The following PTPRD variants were observed in gnomAD, a reference collection of about 807,000 sequenced individuals.
PTPRD encodes protein tyrosine phosphatase receptor type D.
Under a neutral mutation model 214.5 loss-of-function variants are expected in PTPRD, and 34 were observed. The observed-to-expected ratio is 0.16, with a 90% confidence interval of 0.12 to 0.21. PTPRD has a LOEUF of 0.21. Ranked by LOEUF, PTPRD falls within the 10% of genes least tolerant of loss-of-function variation. The probability of loss-of-function intolerance (pLI) is 1.00; values close to 1 mark genes in which losing one functional copy is unlikely to be tolerated. For synonymous variants in PTPRD, 1,128 were observed against 845.7 expected (o/e 1.33, Z -5.79); for missense variants, 2,545 against 2,398.7 (o/e 1.06, Z -1.27).
intron 12 of PTPRD, among the ~76,000 whole-genome samples, chr9:8,650,292 G>A (rs1024470778): frequency 3.3e-5 from 5 of 152,032 alleles, no homozygotes; most frequent in African/African-American, 1.2e-4. Context: ...CACTTTGGGA[G>A]GCTGAGGTGG....
intron 12 of PTPRD, among the ~76,000 whole-genome samples, chr9:8,669,157 G>C (rs552974132): frequency 2.8e-4 from 42 of 152,288 alleles, no homozygotes; most frequent in Middle Eastern, 3.4e-3. Flanking sequence ...TAGGCAGACA[G>C]TGGCCTCTTA....
intron 5 of PTPRD, among the ~76,000 whole-genome samples, chr9:9,896,240 G>A (rs2074941158): frequency 6.6e-6 from 1 of 151,902 alleles, no homozygotes; most frequent in Admixed American, 6.6e-5. Context: ...ATGATATCAG[G>A]GTCTCTATTT....
At chr9:10,069,971 T>C (rs995156173) in intron 3 of PTPRD, among the ~76,000 whole-genome samples, 2 of 152,070 alleles carry the variant, frequency 1.3e-5, no homozygotes, top group East Asian at 1.9e-4. Flanking sequence ...ATATGTGCCA[T>C]GAACACACTG....
intron 7 of PTPRD, among the ~76,000 whole-genome samples, chr9:9,637,038 C>A (rs75879847): frequency 0.017 from 2,559 of 152,156 alleles, 71 homozygotes; most frequent in African/African-American, 0.059. Flanking sequence ...TAATGGAATT[C>A]ATTCATTCAC....
intron 3 of PTPRD, among the ~76,000 whole-genome samples, chr9:10,067,258 A>C (rs952196568): frequency 1.3e-5 from 2 of 151,864 alleles, no homozygotes; most frequent in African/African-American, 4.8e-5. Context: ...AGTTCGGCAA[A>C]TGTAGCTCTC....
chr9:9,274,678 T>C (rs1324896405), intron 9 of PTPRD, among the ~76,000 whole-genome samples: 2 of 151,200 alleles, frequency 1.3e-5, no homozygotes, highest in African/African-American at 4.8e-5. Flanking sequence ...CAGAGGTTGC[T>C]CTTGGTTTAT....
At chr9:9,304,896 G>C (rs146234589) in intron 9 of PTPRD, among the ~76,000 whole-genome samples, 1 of 149,236 alleles carries the variant, frequency 6.7e-6, no homozygotes, top group Non-Finnish European at 1.5e-5. Flanking sequence ...TGAAAGGATA[G>C]GGGAGAATTT....
chr9:10,124,630 G>C (rs992854070), intron 3 of PTPRD, among the ~76,000 whole-genome samples: 1 of 151,972 alleles, frequency 6.6e-6, no homozygotes, highest in Non-Finnish European at 1.5e-5. Flanking sequence ...GTAATTTTTT[G>C]TTTATTAGGG....
intron 42 of PTPRD, among the ~76,000 whole-genome samples, chr9:8,339,615 T>G (rs934428035): frequency 2.6e-5 from 4 of 152,160 alleles, no homozygotes; most frequent in African/African-American, 9.6e-5. Context: ...TCGTCTGATA[T>G]TCTTTTTGTT....
At chr9:8,409,410 T>TGGG (rs2093334833) in intron 35 of PTPRD, among the ~76,000 whole-genome samples, 1 of 152,148 alleles carries the variant, frequency 6.6e-6, no homozygotes, top group Non-Finnish European at 1.5e-5. Flanking sequence ...ACACTTGCCT[T>TGGG]TCAACTATTC....
At chr9:10,556,019 A>G (rs2062495864) in intron 2 of PTPRD, among the ~76,000 whole-genome samples, 2 of 152,186 alleles carry the variant, frequency 1.3e-5, no homozygotes, top group Admixed American at 1.3e-4. Flanking sequence ...CCTTCAGATT[A>G]CAACAAATTT....
intron 10 of PTPRD, among the ~76,000 whole-genome samples, chr9:9,070,271 T>G (rs1379686378): frequency 6.6e-6 from 1 of 152,190 alleles, no homozygotes; most frequent in African/African-American, 2.4e-5. Flanking sequence ...ATCAATGTGA[T>G]TTTCACAAAG....
At chr9:8,567,988 C>T (rs530111608) in intron 14 of PTPRD, among the ~76,000 whole-genome samples, 13 of 152,084 alleles carry the variant, frequency 8.5e-5, no homozygotes, top group South Asian at 2.1e-4. Context: ...CTTATTTTCA[C>T]GGAAATTTAA....
At chr9:9,384,959 G>A (rs909534072) in intron 9 of PTPRD, among the ~76,000 whole-genome samples, 1 of 152,016 alleles carries the variant, frequency 6.6e-6, no homozygotes, top group South Asian at 2.1e-4. Flanking sequence ...GCATATATAT[G>A]TTCAATATAT....
intron 2 of PTPRD, among the ~76,000 whole-genome samples, chr9:10,393,112 T>C (rs757288057): frequency 2.0e-5 from 3 of 151,906 alleles, no homozygotes; most frequent in Non-Finnish European, 2.9e-5. Flanking sequence ...GTTTGTAGTG[T>C]GACATGCATA....
chr9:10,128,344 T>A (rs1233378116), intron 3 of PTPRD, among the ~76,000 whole-genome samples: 1 of 152,156 alleles, frequency 6.6e-6, no homozygotes, highest in African/African-American at 2.4e-5. Context: ...ATATGACTGG[T>A]GCCCTTATAA....
chr9:9,377,222 T>G (rs2061026881), intron 9 of PTPRD, among the ~76,000 whole-genome samples: 2 of 152,130 alleles, frequency 1.3e-5, no homozygotes, highest in South Asian at 4.1e-4. Flanking sequence ...ATGAATACAG[T>G]ATCTTTGTGC....
At chr9:9,983,003 A>T (rs1245603300) in intron 4 of PTPRD, among the ~76,000 whole-genome samples, 1 of 151,994 alleles carries the variant, frequency 6.6e-6, no homozygotes, top group Admixed American at 6.6e-5. Flanking sequence ...TCAATGGAAT[A>T]TTCTATATTT....
intron 2 of PTPRD, among the ~76,000 whole-genome samples, chr9:10,572,843 C>A (rs28562189): frequency 0.14 from 21,521 of 151,904 alleles, 1,951 homozygotes; most frequent in East Asian, 0.48. Context: ...AGTGTCCATC[C>A]ACAGAGCTCA....
Sources: allele counts gnomAD v4.1 joint callset (sites outside exome capture counted in the v4.1 genomes callset), GRCh38; gene constraint gnomAD v4.1.1; transcripts MANE v1.5; gene names NCBI Gene and HGNC (gene_info 2026-07-23, HGNC 2026-07-21).